EVI5L: variants seen among roughly 807,000 people sequenced by gnomAD.
EVI5L encodes ecotropic viral integration site 5 like, also known as EVI5-like protein.
EVI5L carries 30 observed loss-of-function variants against 106.1 expected under a neutral mutation model. The ratio of observed to expected loss-of-function variants is 0.28; its 90% CI spans 0.21 to 0.38. EVI5L has a LOEUF of 0.38. EVI5L is among the 10% of genes least tolerant of loss of function. The pLI, the probability that EVI5L is intolerant of heterozygous loss-of-function variation, is 1.00. For synonymous variants in EVI5L, 489 were observed against 483.3 expected (o/e 1.01, Z -0.15); for missense variants, 809 against 1,098.0 (o/e 0.74, Z 3.72).
chr19:7,856,128 G>T lies in EVI5L; in HGVS notation c.1200+60G>T, dbSNP rs569611393. The T allele has an allele frequency of 2.8e-5, 36 of 1,300,668 alleles. No individual in the cohort carries two copies. The African/African-American group carries it at 5.0e-4, about 18-fold the overall frequency. 80.6% of individuals were successfully genotyped at this position (1,300,668 alleles called of 1,614,324 possible). ...CATGGGGTGTGACCCACCATGCGGG[G>T]CATGGCCGCTAACCTGGGGTGGACT... On this transcript the variant is annotated intron_variant, in intron 11 of 19. Coordinates refer to ENST00000538904, the MANE Select transcript of EVI5L (RefSeq NM_001159944.3). This position sits in a 1 kb window ranked among gnomAD's most constrained non-coding sequence, Gnocchi z 6.6.
rs1178907301 is a variant in EVI5L at position 7,830,323 on chromosome 19, C to G, written c.-106C>G. 1.3e-5 allele frequency: 2 copies of G among 151,122 alleles called. No homozygotes were observed. The highest frequency in any genetic ancestry group is 6.6e-5 in the Admixed American group (1 of 15,088). 9.4% of individuals were successfully genotyped at this position (151,122 alleles called of 1,614,324 possible). On this transcript the variant is annotated 5_prime_UTR_variant, in exon 1 of 20. Transcript: ENST00000538904. ...CGGGGCGAACGGCGCGGCTAGGATC[C>G]GGCGGCTCAGCCCGGGGCGGCGAGG...
chr19:7,864,080 G>A lies in EVI5L; in HGVS notation c.*378G>A. ...CCCACCTCCTGGCAGGCTTCCTTCT[G>A]GGACAGGGGCGACATTGCTGGGAAG... On this transcript the variant is annotated 3_prime_UTR_variant, in exon 20 of 20. Coordinates refer to ENST00000538904, the MANE Select transcript of EVI5L (RefSeq NM_001159944.3). The surrounding 1 kb of genome is among the most constrained non-coding windows in gnomAD (Gnocchi z 4.5). The A allele has an allele frequency of 8.8e-6, 2 of 227,636 alleles. No individual in the cohort carries two copies. The highest frequency in any genetic ancestry group is 1.4e-3 in the Middle Eastern group (1 of 736). 14.1% of individuals were successfully genotyped at this position (227,636 alleles called of 1,614,324 possible). A position where few individuals can be genotyped will look rare whatever the true frequency, so the allele number is the denominator to read the frequency against.
At chr19:7,849,445 A>G in intron 5 of EVI5L, 115 bp downstream of exon 5, 1 of 1,133,714 alleles carries the variant, frequency 8.8e-7, no homozygotes, top group Non-Finnish European at 1.3e-6. Context: ...CTAGGGGTAG[A>G]TCCTCCTTCT....
Position 7,856,007 on chromosome 19 carries a change from C to A in EVI5L, c.1147-8C>A, listed in dbSNP as rs913308325. 6 of 1,326,288 alleles carry A rather than the reference C, an allele frequency of 4.5e-6. No homozygotes were observed. Among genetic ancestry groups the A allele is most frequent in the African/African-American group, 3.0e-5 (2 of 66,428 alleles). The allele number at this position is 1,326,288 out of a possible 1,614,324, so 82.2% of individuals were successfully genotyped here. A position where few individuals can be genotyped will look rare whatever the true frequency, so the allele number is the denominator to read the frequency against. On this transcript the variant is annotated splice_polypyrimidine_tract_variant and splice_region_variant and intron_variant, in intron 10 of 19. Coordinates refer to ENST00000538904, the MANE Select transcript of EVI5L (RefSeq NM_001159944.3). This position sits in a 1 kb window ranked among gnomAD's most constrained non-coding sequence, Gnocchi z 6.6. ...GGGCTATGACGTGATCTCCCCCCAC[C>A]CCCATAGAGACTTCGGACGGAGAAC...
At chr19:7,861,850 C>T in intron 14 of EVI5L, 28 bp from the exon 15 acceptor site, 1 of 1,549,814 alleles carries the variant, frequency 6.5e-7, no homozygotes, top group South Asian at 1.2e-5. Context: ...CGCTGCTCCC[C>T]CAGGCCCTGA....
chr19:7,837,724 G>A (rs1204492404), intron 1 of EVI5L, among the ~76,000 whole-genome samples: 3 of 151,982 alleles, frequency 2.0e-5, no homozygotes, highest in African/African-American at 7.2e-5. Flanking sequence ...TTTTGAGATG[G>A]AGTTTCGCTC....
chr19:7,861,728 C>T (rs1979806078), intron 14 of EVI5L, 150 bp from the exon 15 acceptor site: 2 of 1,039,760 alleles, frequency 1.9e-6, no homozygotes, highest in East Asian at 5.3e-5. Context: ...CGAGTCCGCT[C>T]CCCGTGGGCC....
In EVI5L at chr19:7,857,492, G is replaced by GCACACACA. The variant is rs1237546107; in HGVS notation, c.1233+374_1233+381dup. 3 of 421,216 alleles carry GCACACACA rather than the reference G, an allele frequency of 7.1e-6. No homozygotes were observed. The highest frequency in any genetic ancestry group is 1.3e-3 in the Middle Eastern group (2 of 1,504). 26.1% of individuals were successfully genotyped at this position (421,216 alleles called of 1,614,324 possible). On this transcript the variant is annotated intron_variant, in intron 12 of 19. Transcript: ENST00000538904. The surrounding 1 kb of genome is among the most constrained non-coding windows in gnomAD (Gnocchi z 4.5). ...GCGGTCACACACACACACAACACAT[G>GCACACACA]CACACACACACACGCACACACACGC...
chr19:7,836,884 C>T (rs1978365357), intron 1 of EVI5L, among the ~76,000 whole-genome samples: 1 of 148,866 alleles, frequency 6.7e-6, no homozygotes, highest in East Asian at 2.1e-4. Flanking sequence ...TGCCCCCCCT[C>T]AGCCTCCCAC....
In EVI5L at chr19:7,857,506, G is replaced by T; in HGVS notation, c.1233+382G>T. 2.8e-6 allele frequency: 1 copy of T among 355,010 alleles called. No individual in the cohort carries two copies. Among genetic ancestry groups the T allele is most frequent in the South Asian group, 3.1e-5 (1 of 31,908 alleles). 22.0% of individuals were successfully genotyped at this position (355,010 alleles called of 1,614,324 possible). A position where few individuals can be genotyped will look rare whatever the true frequency, so the allele number is the denominator to read the frequency against. ...ACACAACACATGCACACACACACAC[G>T]CACACACACGCCCGGCCCTCACGCT... On this transcript the variant is annotated intron_variant, in intron 12 of 19. Coordinates refer to ENST00000538904, the MANE Select transcript of EVI5L (RefSeq NM_001159944.3). This position sits in a 1 kb window ranked among gnomAD's most constrained non-coding sequence, Gnocchi z 4.5.
rs553997462 is a variant in EVI5L, at chr19:7,849,701, A to G, written c.628-296A>G. 3.9e-5 allele frequency among the ~76,000 whole-genome samples: 6 copies of G among 152,252 alleles called. No individual in the cohort carries two copies. In the South Asian group the frequency reaches 1.0e-3, roughly 26 times the overall value. On this transcript the variant is annotated intron_variant, in intron 5 of 19. Transcript: ENST00000538904. ...ATCGGGAGGCTGACAGGGAGAGAGG[A>G]CGCAGCTGGGACAGGAGGTATCCTA...
chr19:7,844,783 C>A (rs992658186), intron 1 of EVI5L, among the ~76,000 whole-genome samples: 1 of 152,200 alleles, frequency 6.6e-6, no homozygotes, highest in African/African-American at 2.4e-5. Context: ...ACTAGGGGAA[C>A]GCTTGAGGGC....
chr19:7,850,857 G>A lies in EVI5L; in HGVS notation c.754-577G>A, dbSNP rs913406265. ...ACTCAGGGCGCAGAGAGCCCCTGGC[G>A]CTGGGAGGAAGCCCGGGATCCTAAC... is the stretch of plus-strand genomic sequence containing the variant. On this transcript the variant is annotated intron_variant, in intron 6 of 19. Coordinates refer to ENST00000538904, the MANE Select transcript of EVI5L (RefSeq NM_001159944.3). The surrounding 1 kb of genome is among the most constrained non-coding windows in gnomAD (Gnocchi z 5.4). 2.0e-5 allele frequency among the ~76,000 whole-genome samples: 3 copies of A among 152,214 alleles called. No individual in the cohort carries two copies. The highest frequency in any genetic ancestry group is 2.9e-5 in the Non-Finnish European group (2 of 68,040).
At chr19:7,834,278 C>T (rs1019843279) in intron 1 of EVI5L, among the ~76,000 whole-genome samples, 12 of 152,210 alleles carry the variant, frequency 7.9e-5, no homozygotes, top group Admixed American at 5.9e-4. Flanking sequence ...GAGCCAAGAA[C>T]GCGCCACTGC....
At chr19:7,832,936 G>A (rs181773537) in intron 1 of EVI5L, among the ~76,000 whole-genome samples, 7 of 152,296 alleles carry the variant, frequency 4.6e-5, no homozygotes, top group Non-Finnish European at 7.4e-5. Flanking sequence ...CTGAAGGAAG[G>A]CGTGGAGGAA....
chr19:7,831,505 G>A (rs932439975), intron 1 of EVI5L, among the ~76,000 whole-genome samples: 6 of 151,924 alleles, frequency 3.9e-5, no homozygotes, highest in South Asian at 2.1e-4. Flanking sequence ...CCAAACCAGC[G>A]CCCACACTGG....
intron 10 of EVI5L, among the ~76,000 whole-genome samples, chr19:7,854,419 T>G (rs930079880): frequency 1.3e-5 from 2 of 152,110 alleles, no homozygotes; most frequent in African/African-American, 4.8e-5. Context: ...CCTGGCTCCA[T>G]GCTCTTCAGG....
rs1182951233 is a variant in EVI5L, at chr19:7,858,445, T to C, written c.1374+114T>C. 20 of 1,335,026 alleles carry C rather than the reference T, an allele frequency of 1.5e-5. No individual in the cohort carries two copies. The highest frequency in any genetic ancestry group is 1.9e-5 in the Non-Finnish European group (19 of 1,012,808). 82.7% of individuals were successfully genotyped at this position (1,335,026 alleles called of 1,614,324 possible). ...GCCCCGCCTCAGCACCTGGCCCTCC[T>C]GTTCCTTTCTGGGGTAAGGGGAACC... On this transcript the variant is annotated intron_variant, in intron 13 of 19. Coordinates refer to ENST00000538904, the MANE Select transcript of EVI5L (RefSeq NM_001159944.3). This position sits in a 1 kb window ranked among gnomAD's most constrained non-coding sequence, Gnocchi z 5.7.
intron 8 of EVI5L, chr19:7,852,717 A>AGT: frequency 6.4e-6 from 1 of 155,086 alleles, no homozygotes; most frequent in South Asian, 5.3e-5. Flanking sequence ...ATGTCCAGCT[A>AGT]ATTTTTTTTT....
Sources: allele counts gnomAD v4.1 joint callset (sites outside exome capture counted in the v4.1 genomes callset), GRCh38; gene constraint gnomAD v4.1.1; non-coding constraint Gnocchi (gnomAD v3.1); transcripts MANE v1.5; gene names NCBI Gene and HGNC (gene_info 2026-07-23, HGNC 2026-07-21).